Variants in ACACA observed in about 807,000 individuals in gnomAD.
The protein encoded by ACACA is acetyl-CoA carboxylase alpha.
Under a neutral mutation model 296.1 loss-of-function variants are expected in ACACA, and 103 were observed. The ratio of observed to expected loss-of-function variants is 0.35; its 90% CI spans 0.30 to 0.41. ACACA has a LOEUF of 0.41. Among genes scored for constraint, ACACA ranks in the 10% least tolerant of loss-of-function variants. The pLI, the probability that ACACA is intolerant of heterozygous loss-of-function variation, is 1.00. For missense variants in ACACA, 1,554 were observed against 2,989.7 expected (o/e 0.52, Z 11.20); for synonymous variants, 953 against 1,038.6 (o/e 0.92, Z 1.58).
chr17:37,136,610 GCATCCT>G (rs1486135402), intron 45 of ACACA, among the ~76,000 whole-genome samples: 1 of 151,906 alleles, frequency 6.6e-6, no homozygotes, highest in Admixed American at 6.6e-5. Context: ...CAGCTGTCCT[GCATCCT>G]CATCAACACT....
At chr17:37,398,365 C>A (rs1264121304) in intron 1 of ACACA, among the ~76,000 whole-genome samples, 3 of 136,650 alleles carry the variant, frequency 2.2e-5, no homozygotes, top group African/African-American at 8.3e-5. Context: ...CAGCTCACTG[C>A]AATCTCCGCC....
chr17:37,174,000 ATATATATATATATATATATATTTTTT>A (rs1293962581), intron 41 of ACACA, among the ~76,000 whole-genome samples: 2 of 9,532 alleles, frequency 2.1e-4, no homozygotes, highest in Non-Finnish European at 3.5e-4. Context: ...ATATATATAT[ATATATATATATATATATATATTTTTT>A]TTTTTTTTTT....
chr17:37,302,943 G>A (rs1210922650), intron 3 of ACACA, among the ~76,000 whole-genome samples: 1 of 152,040 alleles, frequency 6.6e-6, no homozygotes, highest in East Asian at 1.9e-4. Context: ...TAAATTTAAG[G>A]ACATTTTCAT....
chr17:37,106,371 C>T (rs950858115), intron 52 of ACACA, among the ~76,000 whole-genome samples: 7 of 152,036 alleles, frequency 4.6e-5, no homozygotes, highest in Non-Finnish European at 8.8e-5. Context: ...TTTAAAACCC[C>T]ATTTTCATAT....
intron 8 of ACACA, among the ~76,000 whole-genome samples, chr17:37,275,144 G>A (rs185230043): frequency 1.3e-5 from 2 of 152,344 alleles, no homozygotes; most frequent in African/African-American, 4.8e-5. Flanking sequence ...AAGGGCAACT[G>A]AGGTTGAATG....
intron 5 of ACACA, among the ~76,000 whole-genome samples, chr17:37,281,058 CTTT>C (rs34828277): frequency 1.5e-5 from 2 of 136,928 alleles, no homozygotes; most frequent in Non-Finnish European, 1.6e-5. Context: ...GTCTTTCTCT[CTTT>C]TTTTTTTTTT....
chr17:37,089,128 C>A, intron 54 of ACACA, 54 bp from the exon 55 acceptor site: 3 of 1,613,172 alleles, frequency 1.9e-6, no homozygotes, highest in African/African-American at 1.3e-5. Flanking sequence ...GGCCGGGACA[C>A]CCTGACTATT....
intron 3 of ACACA, among the ~76,000 whole-genome samples, chr17:37,315,649 CTTACTA>C (rs1737501680): frequency 6.6e-6 from 1 of 152,156 alleles, no homozygotes; most frequent in African/African-American, 2.4e-5. Flanking sequence ...AAAGAGTTTA[CTTACTA>C]TTACTGCTTT....
chr17:37,225,326 C>A, intron 26 of ACACA: 1 of 507,712 alleles, frequency 2.0e-6, no homozygotes. Context: ...GCATTGTGGC[C>A]AATTTCCCAT....
At chr17:37,384,454 C>A in intron 1 of ACACA, among the ~76,000 whole-genome samples, 1 of 152,058 alleles carries the variant, frequency 6.6e-6, no homozygotes, top group Admixed American at 6.6e-5. Flanking sequence ...ATTCAGTTTG[C>A]AAAGTGTTTA....
intron 1 of ACACA, among the ~76,000 whole-genome samples, chr17:37,396,415 T>G (rs1212821901): frequency 6.6e-6 from 1 of 152,152 alleles, no homozygotes; most frequent in East Asian, 1.9e-4. Flanking sequence ...TCTTCATTTT[T>G]TAGATAAACC....
intron 52 of ACACA, among the ~76,000 whole-genome samples, chr17:37,109,453 A>G (rs1189626609): frequency 6.6e-6 from 1 of 152,238 alleles, no homozygotes; most frequent in Non-Finnish European, 1.5e-5. Context: ...AATAATTTAC[A>G]AGACTCGTAG....
At chr17:37,238,316 G>T (rs1292844425) in intron 24 of ACACA, among the ~76,000 whole-genome samples, 28 of 115,980 alleles carry the variant, frequency 2.4e-4, no homozygotes, top group South Asian at 9.3e-4. Flanking sequence ...ATAACCCATT[G>T]TGCTGGTATC....
intron 2 of ACACA, among the ~76,000 whole-genome samples, chr17:37,337,415 CA>C (rs71159702): frequency 3.8e-3 from 361 of 94,308 alleles, no homozygotes; most frequent in Middle Eastern, 0.019. Context: ...GACCCTGTCT[CA>C]AAAAAAAAAA....
intron 47 of ACACA, among the ~76,000 whole-genome samples, chr17:37,128,024 CAAAAAAAAAAAAAAAAAAA>C (rs1173864454): frequency 2.5e-5 from 1 of 39,716 alleles, no homozygotes; most frequent in Non-Finnish European, 4.6e-5. Flanking sequence ...AACTCCATCT[CAAAAAAAAAAAAAAAAAAA>C]AAAAAAAAAA....
chr17:37,188,031 ATC>A (rs2077604018), intron 39 of ACACA, among the ~76,000 whole-genome samples: 1 of 152,230 alleles, frequency 6.6e-6, no homozygotes, highest in African/African-American at 2.4e-5. Flanking sequence ...TTCACTTGGC[ATC>A]TGTTAGTGCT....
Position 37,161,632 on chromosome 17 carries a change from T to C in ACACA, c.5349+149A>G, listed in dbSNP as rs1037661152. 6 of 928,548 alleles carry C rather than the reference T, an allele frequency of 6.5e-6. No homozygotes were observed. The African/African-American group carries it at 8.4e-5, about 13-fold the overall frequency. The allele number at this position is 928,548 out of a possible 1,614,324, so 57.5% of individuals were successfully genotyped here. A position where few individuals can be genotyped will look rare whatever the true frequency, so the allele number is the denominator to read the frequency against. ...ATAATTTGTCTTTAATATGGTGTCT[T>C]AAGGAATTTTCACAAATAATTTTGT... On this transcript the variant is annotated intron_variant, in intron 42 of 55. Transcript: ENST00000616317.
In ACACA at chr17:37,097,532, T is replaced by C. The variant is rs2073066330; in HGVS notation, c.6720+298A>G. Among the ~76,000 whole-genome samples the C allele has an allele frequency of 6.6e-6, 1 of 152,158 alleles. No individual in the cohort carries two copies. Among genetic ancestry groups the C allele is most frequent in the Admixed American group, 6.5e-5 (1 of 15,280 alleles). ...TTAGCTGCTGCGGGAGCCTTGACCC[T>C]ATAGTAACCCACATCCTGAGGACCC... On this transcript the variant is annotated intron_variant, in intron 53 of 55. Coordinates refer to ENST00000616317, the MANE Select transcript of ACACA (RefSeq NM_198834.3). This position sits in a 1 kb window ranked among gnomAD's most constrained non-coding sequence, Gnocchi z 4.8.
In ACACA at chr17:37,133,144, C is replaced by G. The variant is rs147186736; in HGVS notation, c.5680-2926G>C. ...ATTACAGAATAGACTAAGAGTATCC[C>G]AATATCACTCTCTGACCAGCCTTAT... On this transcript the variant is annotated intron_variant, in intron 45 of 55. Transcript: ENST00000616317. Among the ~76,000 whole-genome samples the G allele has an allele frequency of 4.7e-3, 720 of 152,154 alleles. 7 individuals are homozygous for G. The highest frequency in any genetic ancestry group is 0.016 in the African/African-American group (679 of 41,510).
Sources: allele counts gnomAD v4.1 joint callset (sites outside exome capture counted in the v4.1 genomes callset), GRCh38; gene constraint gnomAD v4.1.1; non-coding constraint Gnocchi (gnomAD v3.1); transcripts MANE v1.5; gene names NCBI Gene and HGNC (gene_info 2026-07-23, HGNC 2026-07-21).